TRIM45: variants seen among roughly 807,000 people sequenced by gnomAD.
The protein encoded by TRIM45 is tripartite motif containing 45.
In TRIM45, 45 loss-of-function variants were observed where a neutral mutation model predicts 46.7. That is an observed-to-expected ratio of 0.96 (90% CI 0.76 to 1.24). The LOEUF (loss-of-function observed/expected upper bound fraction) is 1.24, where lower values mean the gene tolerates loss of function less well. TRIM45 is among the 50% of genes most tolerant of loss of function. The pLI is 0.00. For missense variants in TRIM45, 680 were observed against 728.4 expected, an observed-to-expected ratio of 0.93 and a Z score of 0.77; for synonymous variants, 259 against 285.8, an observed-to-expected ratio of 0.91 and a Z score of 0.94.
rs1650285036 is a variant in TRIM45, at chr1:117,113,244, C to A, written c.1594+115G>T. ...GGTGTCTCTACAATCACAGACTGTG[C>A]TTCCTAGAAACAGAGCCTAAGTCCA... On this transcript the variant is annotated intron_variant, in intron 5 of 5. Transcript: ENST00000256649. The surrounding 1 kb of genome is among the most constrained non-coding windows in gnomAD (Gnocchi z 4.0). The A allele has an allele frequency of 1.4e-6, 2 of 1,418,558 alleles. No homozygotes were observed. Among genetic ancestry groups the A allele is most frequent in the Non-Finnish European group, 1.9e-6 (2 of 1,042,844 alleles). The allele number at this position is 1,418,558 out of a possible 1,614,324, so 87.9% of individuals were successfully genotyped here. A position where few individuals can be genotyped will look rare whatever the true frequency, so the allele number is the denominator to read the frequency against.
rs1312458514 is a variant in TRIM45 at position 117,115,236 on chromosome 1, C to T, written c.1467+339G>A. ...CTGGACAAAACTGGAAAATCCTGAG[C>T]TAGATTATATTTTTTGAATATGCAT... is the stretch of plus-strand genomic sequence containing the variant. On this transcript the variant is annotated intron_variant, in intron 4 of 5. Coordinates refer to ENST00000256649, the MANE Select transcript of TRIM45 (RefSeq NM_025188.4). This position sits in a 1 kb window ranked among gnomAD's most constrained non-coding sequence, Gnocchi z 4.2. Among the ~76,000 whole-genome samples, 1 of 152,114 alleles carries T rather than the reference C, an allele frequency of 6.6e-6. No homozygotes were observed. Among genetic ancestry groups the T allele is most frequent in the Admixed American group, 6.6e-5 (1 of 15,258 alleles).
chr1:117,116,784 A>C lies in TRIM45; in HGVS notation c.1223-39T>G, dbSNP rs1232931370. On this transcript the variant is annotated intron_variant, in intron 2 of 5. Coordinates refer to ENST00000256649, the MANE Select transcript of TRIM45 (RefSeq NM_025188.4). The surrounding 1 kb of genome is among the most constrained non-coding windows in gnomAD (Gnocchi z 4.6). The stretch of plus-strand genomic sequence containing the variant: ...ACACTCGGTCCTCACCTCGAATGTA[A>C]ACTGCAGTGACTACATCTCCATCTT... 5 of 1,612,322 alleles carry C rather than the reference A, an allele frequency of 3.1e-6. No individual in the cohort carries two copies. The highest frequency in any genetic ancestry group is 4.2e-6 in the Non-Finnish European group (5 of 1,178,828).
chr1:117,120,128 G>C (rs1245930410), intron 1 of TRIM45, among the ~76,000 whole-genome samples: 4 of 152,156 alleles, frequency 2.6e-5, no homozygotes, highest in African/African-American at 9.7e-5. Flanking sequence ...CCAAGCTCCA[G>C]AGTAACTCTA....
chr1:117,116,728 C>G lies in TRIM45; in HGVS notation c.1240G>C (p.Glu414Gln). Residue 414 changes from glutamate (E) to glutamine (Q), a missense_variant, in exon 3 of 6, where the codon GAG becomes CAG. Glu to Gln is a conservative substitution (Grantham distance 29). Coordinates refer to ENST00000256649, the MANE Select transcript of TRIM45 (RefSeq NM_025188.4). This position sits in a 1 kb window ranked among gnomAD's most constrained non-coding sequence, Gnocchi z 4.6. ...LQGEDLHRAR[E>Q]KQTASFTLLC... ...AGGGTGAAAGAGGCCGTCTGTTTCT[C>G]CCGGGCTCTGTGGAGGTCTGAAAAA... 1 of 1,614,146 alleles carries G rather than the reference C, an allele frequency of 6.2e-7. No individual in the cohort carries two copies. Among genetic ancestry groups the G allele is most frequent in the Non-Finnish European group, 8.5e-7 (1 of 1,180,006 alleles).
At chr1:117,121,951 G>A (rs1024765059), upstream of TRIM45, 6 of 646,894 alleles carry the variant, frequency 9.3e-6, no homozygotes, top group East Asian at 2.9e-5. The surrounding 1 kb of genome is among the most constrained non-coding windows in gnomAD (Gnocchi z 4.2). Context: ...GGCGGCCGAA[G>A]GGCTTAGAGT....
Position 117,115,675 on chromosome 1 carries a change from A to G in TRIM45, c.1367T>C (p.Met456Thr). The change falls in exon 4 of 6, where the codon ATG (methionine) becomes ACG (threonine). Residue 456 changes from methionine to threonine, a missense_variant. Met to Thr is a moderately conservative substitution (Grantham distance 81, BLOSUM62 -1). This residue lies in a region of TRIM45 where 322 missense variants were observed against 359.3 expected (regional missense o/e 0.90). Transcript: ENST00000256649. This position sits in a 1 kb window ranked among gnomAD's most constrained non-coding sequence, Gnocchi z 4.2. The stretch of plus-strand genomic sequence containing the variant: ...TGTCCCATCCTTGTTATCCTGGACC[A>G]TTGTTCTGACTGGGCTGAATGGAGA... Reference protein sequence around the residue: ...KDKKDSPVRTMVQDNKDGTYY... With the variant: ...KDKKDSPVRTTVQDNKDGTYY... The G allele has an allele frequency of 6.2e-7, 1 of 1,613,838 alleles. No homozygotes were observed. The highest frequency in any genetic ancestry group is 8.5e-7 in the Non-Finnish European group (1 of 1,179,770).
chr1:117,113,480 C>T lies in TRIM45; in HGVS notation c.1473G>A (p.Ser491=), dbSNP rs1419083878. The change falls in exon 5 of 6, where the codon TCG becomes TCA. Residue 491 remains serine (S), a synonymous_variant. Coordinates refer to ENST00000256649, the MANE Select transcript of TRIM45 (RefSeq NM_025188.4). This position sits in a 1 kb window ranked among gnomAD's most constrained non-coding sequence, Gnocchi z 4.0. ...TTCTCCTCACCATCACAGTGAATGGCGAGCCCTGCAGTGTTCAGACCAAAA... is the reference window on the plus strand; with the variant it reads ...TTCTCCTCACCATCACAGTGAATGGTGAGCCCTGCAGTGTTCAGACCAAAA... ...VCIKEQHVQG[S]PFTVMVRRKH... is the part of the protein sequence containing the mutation. 7 of 1,612,606 alleles carry T rather than the reference C, an allele frequency of 4.3e-6. No individual in the cohort carries two copies. The highest frequency in any genetic ancestry group is 2.2e-5 in the East Asian group (1 of 44,894).
In TRIM45 at chr1:117,121,076, C is replaced by A; in HGVS notation, c.126G>T (p.Leu42Phe). The A allele has an allele frequency of 6.2e-7, 1 of 1,614,156 alleles. No homozygotes were observed. The highest frequency in any genetic ancestry group is 2.2e-5 in the East Asian group (1 of 44,868). The stretch of plus-strand genomic sequence containing the variant: ...TGGTGCAAACTGTATGCAAACAAGG[C>A]AAGAGCCTGGGGGCTTTGAAAAGCC... ...CLGLFKAPRLLPCLHTVCTTC... is the reference protein window; with the variant it reads ...CLGLFKAPRLFPCLHTVCTTC... Residue 42 changes from leucine to phenylalanine, a missense_variant, in exon 1 of 6, where the codon TTG (leucine) becomes TTT (phenylalanine). Around this residue, in one of 3 missense-constraint regions of TRIM45, gnomAD observed 349 missense variants for 343.6 expected, o/e 1.02. Coordinates refer to ENST00000256649, the MANE Select transcript of TRIM45 (RefSeq NM_025188.4). This position sits in a 1 kb window ranked among gnomAD's most constrained non-coding sequence, Gnocchi z 4.2.
At chr1:117,119,152 A>G (rs922820845) in intron 1 of TRIM45, among the ~76,000 whole-genome samples, 26 of 152,250 alleles carry the variant, frequency 1.7e-4, no homozygotes, top group Non-Finnish European at 3.7e-4. Context: ...AACAGAAACC[A>G]TGCCAGATAA....
chr1:117,122,050 T>C, upstream of TRIM45: 1 of 489,330 alleles, frequency 2.0e-6, no homozygotes, highest in Non-Finnish European at 3.7e-6. Context: ...CTCTCTGTGG[T>C]GACCAGAGAG....
Position 117,113,083 on chromosome 1 carries a change from G to C in TRIM45, c.1594+276C>G, listed in dbSNP as rs935822788. On this transcript the variant is annotated intron_variant, in intron 5 of 5. Coordinates refer to ENST00000256649, the MANE Select transcript of TRIM45 (RefSeq NM_025188.4). The surrounding 1 kb of genome is among the most constrained non-coding windows in gnomAD (Gnocchi z 4.0). The stretch of plus-strand genomic sequence containing the variant: ...TCACACTGCTTAGGCCGCTGGAAAG[G>C]GACAGACAAACTGAGAATCCTACAT... Among the ~76,000 whole-genome samples the C allele has an allele frequency of 1.3e-5, 2 of 152,192 alleles. No homozygotes were observed. Among genetic ancestry groups the C allele is most frequent in the African/African-American group, 4.8e-5 (2 of 41,432 alleles).
upstream of TRIM45, among the ~76,000 whole-genome samples, chr1:117,123,510 C>T (rs1458059893): frequency 6.6e-6 from 1 of 151,880 alleles, no homozygotes; most frequent in Non-Finnish European, 1.5e-5. Context: ...AGGAAATGGC[C>T]TCAAAGAGGT....
In TRIM45 at chr1:117,118,430, C is replaced by T; in HGVS notation, c.826G>A (p.Asp276Asn). 6.2e-7 allele frequency: 1 copy of T among 1,614,142 alleles called. No homozygotes were observed. Among genetic ancestry groups the T allele is most frequent in the Non-Finnish European group, 8.5e-7 (1 of 1,180,032 alleles). Reference protein sequence around the residue: ...LQKRVEAVAADVRTFSEGYIK... With the variant: ...LQKRVEAVAANVRTFSEGYIK... ...TAGCCCTCCGAGAATGTCCGGACAT[C>T]AGCTGCCACTGCCTCCACTCGCTTC... Residue 276 changes from aspartate to asparagine, a missense_variant, in exon 2 of 6, where the codon GAT (aspartate) becomes AAT (asparagine). Coordinates refer to ENST00000256649, the MANE Select transcript of TRIM45 (RefSeq NM_025188.4). The surrounding 1 kb of genome is among the most constrained non-coding windows in gnomAD (Gnocchi z 5.7).
At position 117,115,813 on chromosome 1, in the gene TRIM45, T is replaced by C; in HGVS notation, c.1353-124A>G. 1 of 638,408 alleles carries C rather than the reference T, an allele frequency of 1.6e-6. No homozygotes were observed. The highest frequency in any genetic ancestry group is 2.8e-6 in the Non-Finnish European group (1 of 357,482). 39.5% of individuals were successfully genotyped at this position (638,408 alleles called of 1,614,324 possible). On this transcript the variant is annotated intron_variant, in intron 3 of 5. Coordinates refer to ENST00000256649, the MANE Select transcript of TRIM45 (RefSeq NM_025188.4). The surrounding 1 kb of genome is among the most constrained non-coding windows in gnomAD (Gnocchi z 4.2). The stretch of plus-strand genomic sequence containing the variant: ...TAATGTTAAATATACCCAAACAGGA[T>C]GCTTCTTCCATTTGCTTCAGAAGTT...
rs1474243576 is a variant in TRIM45, at chr1:117,115,702, A to G, written c.1353-13T>C. 1.3e-6 allele frequency: 2 copies of G among 1,593,600 alleles called. No homozygotes were observed. Among genetic ancestry groups the G allele is most frequent in the Non-Finnish European group, 1.7e-6 (2 of 1,161,476 alleles). On this transcript the variant is annotated splice_polypyrimidine_tract_variant and intron_variant, in intron 3 of 5. Transcript: ENST00000256649. This position sits in a 1 kb window ranked among gnomAD's most constrained non-coding sequence, Gnocchi z 4.2. Reference sequence around the variant, plus strand: ...TGTTCTGACTGGGCTGAATGGAGATAAGAGTCAAAACACCACTCACTTCCA... The same window carrying G: ...TGTTCTGACTGGGCTGAATGGAGATGAGAGTCAAAACACCACTCACTTCCA...
chr1:117,118,724 C>T lies in TRIM45; in HGVS notation c.532G>A (p.Asp178Asn), dbSNP rs1557848117. The T allele has an allele frequency of 3.1e-6, 5 of 1,613,532 alleles. No individual in the cohort carries two copies. The highest frequency in any genetic ancestry group is 3.4e-6 in the Non-Finnish European group (4 of 1,180,036). The change falls in exon 2 of 6, where the codon GAC becomes AAC. Residue 178 changes from aspartate (D) to asparagine (N), a missense_variant. Physicochemically the swap from Asp to Asn is conservative, Grantham distance 23. This residue lies in a region of TRIM45 where 349 missense variants were observed against 343.6 expected (regional missense o/e 1.02). Coordinates refer to ENST00000256649, the MANE Select transcript of TRIM45 (RefSeq NM_025188.4). The surrounding 1 kb of genome is among the most constrained non-coding windows in gnomAD (Gnocchi z 5.7). ...CCAATCCGGCTGTAGCCTTTCAAGT[C>T]TTTTAGGTCCACCATGGTGTGGTAA... ...TTYHTMVDLK[D>N]LKGYSRIGKP...
Position 117,116,662 on chromosome 1 carries a change from C to A in TRIM45, c.1306G>T (p.Gly436Ter), listed in dbSNP as rs1362167800. 1.2e-6 allele frequency: 2 copies of A among 1,613,956 alleles called. No individual in the cohort carries two copies. Among genetic ancestry groups the A allele is most frequent in the Non-Finnish European group, 1.7e-6 (2 of 1,180,008 alleles). Residue 436 changes from glycine (G) to a stop codon, truncating the protein, a stop_gained, in exon 3 of 6, where the codon GGA (glycine) becomes TGA (stop). Coordinates refer to ENST00000256649, the MANE Select transcript of TRIM45 (RefSeq NM_025188.4). LOFTEE classifies it high-confidence loss of function. The surrounding 1 kb of genome is among the most constrained non-coding windows in gnomAD (Gnocchi z 4.6). ...DAAGEIMGRG[G>*]DNVQVAVVPK... ...ACAACGGCAACTTGAACGTTGTCTC[C>A]TCCCCTGCCCATGATTTCTCCTGCG... is the stretch of plus-strand genomic sequence containing the variant.
rs893723248 is a variant in TRIM45, at chr1:117,116,214, C to T, written c.1352+402G>A. ...AGTATTATGGGGAGGTAAGACGTAA[C>T]TAGTGAGTTACACTCCAATATCTTT... On this transcript the variant is annotated intron_variant, in intron 3 of 5. Coordinates refer to ENST00000256649, the MANE Select transcript of TRIM45 (RefSeq NM_025188.4). This position sits in a 1 kb window ranked among gnomAD's most constrained non-coding sequence, Gnocchi z 4.6. 6.6e-6 allele frequency among the ~76,000 whole-genome samples: 1 copy of T among 151,876 alleles called. No individual in the cohort carries two copies. The highest frequency in any genetic ancestry group is 2.4e-5 in the African/African-American group (1 of 41,332).
At chr1:117,119,423 T>C (rs1212608355) in intron 1 of TRIM45, among the ~76,000 whole-genome samples, 1 of 152,124 alleles carries the variant, frequency 6.6e-6, no homozygotes, top group African/African-American at 2.4e-5. Context: ...CTGGCCAACA[T>C]GGTGAAACCC....
Sources: allele counts gnomAD v4.1 joint callset (sites outside exome capture counted in the v4.1 genomes callset), GRCh38; gene constraint gnomAD v4.1.1; regional missense constraint gnomAD v4.1.1; non-coding constraint Gnocchi (gnomAD v3.1); transcripts MANE v1.5; gene names NCBI Gene and HGNC (gene_info 2026-07-23, HGNC 2026-07-21).